Variants in AP3B1 observed in about 807,000 individuals in gnomAD.
AP3B1 encodes AP-3 complex subunit beta-1.
AP3B1 carries 61 observed loss-of-function variants against 132.5 expected under a neutral mutation model. That is an observed-to-expected ratio of 0.46 (90% CI 0.37 to 0.57). The LOEUF (loss-of-function observed/expected upper bound fraction) is 0.57, where lower values mean the gene tolerates loss of function less well. Ranked by LOEUF, AP3B1 falls within the 20% of genes least tolerant of loss-of-function variation. The pLI is 0.00. For synonymous variants in AP3B1, 388 were observed against 438.3 expected (o/e 0.89, Z 1.43); for missense variants, 1,120 against 1,289.4 (o/e 0.87, Z 2.01).
intron 22 of AP3B1, among the ~76,000 whole-genome samples, chr5:78,050,887 A>C (rs1748552218): frequency 6.6e-6 from 1 of 152,198 alleles, no homozygotes; most frequent in African/African-American, 2.4e-5. Context: ...AACTGCAGTA[A>C]CTGTAAAATA....
Position 78,242,924 on chromosome 5 carries a change from A to G in AP3B1, c.205-1988T>C, listed in dbSNP as rs1747204862. On this transcript the variant is annotated intron_variant, in intron 2 of 26. Coordinates refer to ENST00000255194, the MANE Select transcript of AP3B1 (RefSeq NM_003664.5). The stretch of plus-strand genomic sequence containing the variant: ...GGGGAAAAGGGATTCCTTATGAATT[A>G]CATACCATATCTAATAAACTGCCTT... Among the ~76,000 whole-genome samples the G allele has an allele frequency of 3.3e-5, 5 of 152,360 alleles. No homozygotes were observed. In the South Asian group the frequency reaches 1.0e-3, roughly 32 times the overall value.
At chr5:78,095,177 G>C (rs1351557888) in intron 21 of AP3B1, among the ~76,000 whole-genome samples, 1 of 152,068 alleles carries the variant, frequency 6.6e-6, no homozygotes. Context: ...TATTCATTTA[G>C]AATCTCCAGT....
At chr5:78,187,761 G>T (rs1744660343) in intron 7 of AP3B1, among the ~76,000 whole-genome samples, 1 of 152,062 alleles carries the variant, frequency 6.6e-6, no homozygotes, top group African/African-American at 2.4e-5. Context: ...ACCAAAAGCA[G>T]CTCATGTAGC....
chr5:78,158,523 A>G (rs1244545107), intron 13 of AP3B1, among the ~76,000 whole-genome samples: 1 of 152,158 alleles, frequency 6.6e-6, no homozygotes, highest in Non-Finnish European at 1.5e-5. Flanking sequence ...TTTACAAAAC[A>G]ACATCACATT....
intron 22 of AP3B1, among the ~76,000 whole-genome samples, chr5:78,076,501 C>T (rs1749773459): frequency 6.6e-6 from 1 of 152,202 alleles, no homozygotes; most frequent in African/African-American, 2.4e-5. Flanking sequence ...TTTGGGACCA[C>T]ACCTGATAAT....
At chr5:78,158,941 A>C (rs1488466693) in intron 13 of AP3B1, among the ~76,000 whole-genome samples, 2 of 152,024 alleles carry the variant, frequency 1.3e-5, no homozygotes, top group Admixed American at 1.3e-4. Context: ...CAGGTGATCC[A>C]CCCGCCTTGG....
chr5:78,251,919 C>T (rs1747654332), intron 2 of AP3B1, among the ~76,000 whole-genome samples: 1 of 152,156 alleles, frequency 6.6e-6, no homozygotes, highest in Non-Finnish European at 1.5e-5. Flanking sequence ...CCAAAAGAGA[C>T]CCCTCCCTTC....
chr5:78,294,671 G>T lies in AP3B1; in HGVS notation c.-92C>A. ...AGGGCACGGAACAAAACTAGTTCTCGTACGGAGGAGCGCGCGCAGGCGCTT... is the reference window on the plus strand; with the variant it reads ...AGGGCACGGAACAAAACTAGTTCTCTTACGGAGGAGCGCGCGCAGGCGCTT... On this transcript the variant is annotated 5_prime_UTR_variant, in exon 1 of 27. Transcript: ENST00000255194. 8.2e-6 allele frequency: 13 copies of T among 1,591,442 alleles called. No individual in the cohort carries two copies. The highest frequency in any genetic ancestry group is 9.4e-6 in the Non-Finnish European group (11 of 1,168,784).
chr5:78,053,705 A>G (rs968818894), intron 22 of AP3B1, among the ~76,000 whole-genome samples: 72 of 149,694 alleles, frequency 4.8e-4, no homozygotes, highest in African/African-American at 1.8e-3. Context: ...AAAGAAAGAA[A>G]AGAAAAGTCC....
intron 12 of AP3B1, among the ~76,000 whole-genome samples, chr5:78,163,642 TATATATATATACACACACACAC>T (rs1328070116): frequency 1.5e-5 from 2 of 134,984 alleles, no homozygotes; most frequent in Admixed American, 8.3e-5. Context: ...ATAGTATACA[TATATATATATACACACACACAC>T]ATATATATAT....
chr5:78,057,240 G>A (rs1334723736), intron 22 of AP3B1, among the ~76,000 whole-genome samples: 1 of 152,022 alleles, frequency 6.6e-6, no homozygotes, highest in Non-Finnish European at 1.5e-5. Flanking sequence ...CTAACTTTTA[G>A]CTCCTCTTCT....
intron 3 of AP3B1, among the ~76,000 whole-genome samples, chr5:78,237,620 C>G (rs777440682): frequency 6.6e-6 from 1 of 152,230 alleles, no homozygotes; most frequent in Non-Finnish European, 1.5e-5. Flanking sequence ...CCAGCCTGGG[C>G]AACATGACAA....
At chr5:78,227,799 CATA>C (rs1561488702) in intron 4 of AP3B1, among the ~76,000 whole-genome samples, 1 of 152,068 alleles carries the variant, frequency 6.6e-6, no homozygotes, top group Non-Finnish European at 1.5e-5. Flanking sequence ...TTTATACTTT[CATA>C]ATAATAAAAT....
chr5:78,187,422 T>A (rs910647210), intron 7 of AP3B1, among the ~76,000 whole-genome samples: 2 of 152,228 alleles, frequency 1.3e-5, no homozygotes, highest in African/African-American at 4.8e-5. Context: ...AACCATCTAC[T>A]CATTCCATTT....
At chr5:78,195,643 C>A (rs1745051017) in intron 7 of AP3B1, among the ~76,000 whole-genome samples, 1 of 152,020 alleles carries the variant, frequency 6.6e-6, no homozygotes. Flanking sequence ...CATGGTAAAA[C>A]CCTGTCTCTA....
intron 17 of AP3B1, among the ~76,000 whole-genome samples, chr5:78,122,357 CAGG>C (rs1752249413): frequency 6.6e-6 from 1 of 152,138 alleles, no homozygotes; most frequent in South Asian, 2.1e-4. Context: ...GGCAGTTAGG[CAGG>C]AGAAGGAAAT....
intron 26 of AP3B1, among the ~76,000 whole-genome samples, chr5:78,014,107 G>C (rs982308810): frequency 4.6e-5 from 7 of 152,082 alleles, no homozygotes; most frequent in Non-Finnish European, 1.0e-4. Context: ...AGCTTGCAGT[G>C]AGCCGAGATC....
intron 12 of AP3B1, among the ~76,000 whole-genome samples, chr5:78,164,157 A>G (rs910429688): frequency 7.2e-5 from 11 of 152,134 alleles, no homozygotes; most frequent in African/African-American, 1.9e-4. Context: ...TTCCTTAAAG[A>G]AAAATATGAA....
At chr5:78,119,303 G>A (rs571224714) in intron 17 of AP3B1, among the ~76,000 whole-genome samples, 4 of 152,174 alleles carry the variant, frequency 2.6e-5, no homozygotes, top group African/African-American at 4.8e-5. Flanking sequence ...CCAAAGGAAC[G>A]CAGCTCCTCA....
Sources: allele counts gnomAD v4.1 joint callset (sites outside exome capture counted in the v4.1 genomes callset), GRCh38; gene constraint gnomAD v4.1.1; transcripts MANE v1.5; gene names NCBI Gene and HGNC (gene_info 2026-07-23, HGNC 2026-07-21).